Variants in TMCC1 observed in about 807,000 individuals in gnomAD.
TMCC1 encodes transmembrane and coiled-coil domain family 1.
TMCC1 carries 15 observed loss-of-function variants against 52.4 expected under a neutral mutation model. That is an observed-to-expected ratio of 0.29 (90% CI 0.19 to 0.44). The LOEUF is 0.44. TMCC1 is among the 20% of genes least tolerant of loss of function. TMCC1 has a pLI of 1.00. For missense variants in TMCC1, 503 were observed against 806.0 expected, an observed-to-expected ratio of 0.62 and a Z score of 4.55; for synonymous variants, 279 against 301.9, an observed-to-expected ratio of 0.92 and a Z score of 0.79.
At chr3:129,719,188 A>G (rs148661839) in intron 4 of TMCC1, among the ~76,000 whole-genome samples, 25 of 152,276 alleles carry the variant, frequency 1.6e-4, no homozygotes, top group African/African-American at 5.3e-4. Context: ...AAGGAAGGAG[A>G]GTGAAGGTTA....
chr3:129,668,933 G>T (rs1458104640), intron 5 of TMCC1, among the ~76,000 whole-genome samples: 1 of 152,138 alleles, frequency 6.6e-6, no homozygotes, highest in African/African-American at 2.4e-5. Context: ...CCATACTAAA[G>T]AATTTATAAA....
At chr3:129,659,640 A>T (rs1167081877) in intron 5 of TMCC1, among the ~76,000 whole-genome samples, 1 of 152,204 alleles carries the variant, frequency 6.6e-6, no homozygotes, top group Non-Finnish European at 1.5e-5. Flanking sequence ...TGAACCTTAC[A>T]ATAAACCAAT....
intron 5 of TMCC1, among the ~76,000 whole-genome samples, chr3:129,661,186 A>C (rs2086997352): frequency 1.3e-5 from 2 of 152,246 alleles, no homozygotes; most frequent in Admixed American, 1.3e-4. Context: ...GCATTTGGGT[A>C]AGTAGAATGA....
At chr3:129,839,158 A>AT (rs1345748053) in intron 2 of TMCC1, among the ~76,000 whole-genome samples, 31 of 152,268 alleles carry the variant, frequency 2.0e-4, no homozygotes, top group African/African-American at 6.0e-4. Context: ...GTAAAGTATA[A>AT]TTTTTTTATT....
At position 129,688,052 on chromosome 3, in the gene TMCC1, T is replaced by C. The variant is rs533396322; in HGVS notation, c.577-16788A>G. The C allele has an allele frequency of 5.8e-6, 4 of 695,484 alleles. No homozygotes were observed. The South Asian group carries it at 2.6e-4, about 45-fold the overall frequency. 43.1% of individuals were successfully genotyped at this position (695,484 alleles called of 1,614,324 possible). A position where few individuals can be genotyped will look rare whatever the true frequency, so the allele number is the denominator to read the frequency against. On this transcript the variant is annotated intron_variant, in intron 4 of 6. Transcript: ENST00000393238. Reference sequence around the variant, plus strand: ...AGTTATGTTTCTCCTTCTGGTTCCCTTGGTCATCCTTTTCCATCAAACATG... The same window carrying C: ...AGTTATGTTTCTCCTTCTGGTTCCCCTGGTCATCCTTTTCCATCAAACATG...
intron 2 of TMCC1, among the ~76,000 whole-genome samples, chr3:129,863,128 A>G (rs2060469648): frequency 6.6e-6 from 1 of 152,234 alleles, no homozygotes; most frequent in African/African-American, 2.4e-5. Flanking sequence ...CTAGGGGGAT[A>G]AAAATGTCCT....
intron 2 of TMCC1, among the ~76,000 whole-genome samples, chr3:129,838,965 TATTCTACATCCAGTGAAAATATCCTTC>T (rs2059298919): frequency 6.6e-6 from 1 of 152,058 alleles, no homozygotes; most frequent in Non-Finnish European, 1.5e-5. Flanking sequence ...GCCCATCCAG[TATTCTACATCCAGTGAAAATATCCTTC>T]ATACGTACAA....
At chr3:129,889,536 CG>C (rs1363104882) in intron 1 of TMCC1, among the ~76,000 whole-genome samples, 1 of 152,016 alleles carries the variant, frequency 6.6e-6, no homozygotes, top group Non-Finnish European at 1.5e-5. Flanking sequence ...GGATGTAAGA[CG>C]TTAATAATAT....
intron 4 of TMCC1, among the ~76,000 whole-genome samples, chr3:129,745,861 G>A (rs1038200514): frequency 6.6e-6 from 1 of 151,874 alleles, no homozygotes; most frequent in East Asian, 1.9e-4. Flanking sequence ...CTACTCGGGA[G>A]CCGAGATTGT....
At chr3:129,830,214 TGGGAGAACCAA>T (rs1560506126) in intron 3 of TMCC1, among the ~76,000 whole-genome samples, 4 of 152,204 alleles carry the variant, frequency 2.6e-5, no homozygotes, top group Non-Finnish European at 5.9e-5. Context: ...TCTTTCCCTT[TGGGAGAACCAA>T]GAAAGAAACC....
At chr3:129,744,694 T>C (rs13059854) in intron 4 of TMCC1, among the ~76,000 whole-genome samples, 7,088 of 152,300 alleles carry the variant, frequency 0.047, 261 homozygotes, top group Non-Finnish European at 0.07. Context: ...AATGTTAGTA[T>C]GGTATGATAT....
chr3:129,677,621 A>T, intron 4 of TMCC1, among the ~76,000 whole-genome samples: 1 of 152,194 alleles, frequency 6.6e-6, no homozygotes. Flanking sequence ...AATTGTGATA[A>T]GATGAAATTC....
intron 4 of TMCC1, among the ~76,000 whole-genome samples, chr3:129,785,944 T>C (rs1015699330): frequency 1.3e-5 from 2 of 150,892 alleles, no homozygotes; most frequent in South Asian, 4.2e-4. Context: ...TTTTTTTTTT[T>C]TTTTTTTTAA....
At chr3:129,755,505 A>G (rs1457358786) in intron 4 of TMCC1, among the ~76,000 whole-genome samples, 2 of 152,234 alleles carry the variant, frequency 1.3e-5, no homozygotes, top group South Asian at 4.1e-4. Context: ...AGAAATTCTG[A>G]TAAAAGATCT....
At chr3:129,798,793 AATT>A (rs1306436216) in intron 4 of TMCC1, among the ~76,000 whole-genome samples, 4 of 152,344 alleles carry the variant, frequency 2.6e-5, no homozygotes, top group African/African-American at 4.8e-5. Flanking sequence ...CTCTTTCAGA[AATT>A]ATTATTCTTT....
intron 4 of TMCC1, among the ~76,000 whole-genome samples, chr3:129,716,295 T>C (rs2049090498): frequency 6.7e-6 from 1 of 149,816 alleles, no homozygotes; most frequent in Non-Finnish European, 1.5e-5. Flanking sequence ...CCTGAGTAGC[T>C]GGGATTATAA....
intron 4 of TMCC1, among the ~76,000 whole-genome samples, chr3:129,757,875 CACA>C (rs2053160439): frequency 6.6e-6 from 1 of 151,600 alleles, no homozygotes; most frequent in Admixed American, 6.6e-5. Flanking sequence ...CACTCAAAAT[CACA>C]ACATGACTCC....
intron 1 of TMCC1, among the ~76,000 whole-genome samples, chr3:129,889,921 TAAAAAA>T (rs3042659): frequency 3.0e-5 from 4 of 134,930 alleles, no homozygotes; most frequent in Admixed American, 1.5e-4. Context: ...GTAGCAAAGT[TAAAAAA>T]AAAAAAAAAG....
intron 4 of TMCC1, among the ~76,000 whole-genome samples, chr3:129,740,553 G>C (rs887293489): frequency 1.3e-5 from 2 of 152,120 alleles, no homozygotes; most frequent in African/African-American, 2.4e-5. Flanking sequence ...ACCACGGGAA[G>C]GGTGAGAAGT....
Sources: allele counts gnomAD v4.1 joint callset (sites outside exome capture counted in the v4.1 genomes callset), GRCh38; gene constraint gnomAD v4.1.1; transcripts MANE v1.5; gene names NCBI Gene and HGNC (gene_info 2026-07-23, HGNC 2026-07-21).